The following MIDEAS variants were observed in gnomAD, a reference collection of about 807,000 sequenced individuals.
MIDEAS encodes mitotic deacetylase-associated SANT domain protein.
Under a neutral mutation model 102.7 loss-of-function variants are expected in MIDEAS, and 26 were observed. The observed-to-expected ratio is 0.25, with a 90% CI of 0.19 to 0.35. The LOEUF is 0.35. Ranked by LOEUF, MIDEAS falls within the 10% of genes least tolerant of loss-of-function variation. The pLI is 1.00. For missense variants in MIDEAS, 1,231 were observed against 1,435.6 expected (o/e 0.86, Z 2.30); for synonymous variants, 585 against 591.0 (o/e 0.99, Z 0.15).
In MIDEAS at chr14:73,759,184, C is replaced by T. The variant is rs2140154896; in HGVS notation, c.-248+579G>A. On this transcript the variant is annotated intron_variant, in intron 1 of 12. Coordinates refer to ENST00000423556, the MANE Select transcript of MIDEAS (RefSeq NM_001367710.1). This position sits in a 1 kb window ranked among gnomAD's most constrained non-coding sequence, Gnocchi z 6.7. ...GCCCCAGTTCCCCAACGCCCCTGCA[C>T]CTCTGTCCCCCAAACTCCTGGCGTG... 6.6e-6 allele frequency among the ~76,000 whole-genome samples: 1 copy of T among 152,308 alleles called. No individual in the cohort carries two copies. The highest frequency in any genetic ancestry group is 2.4e-5 in the African/African-American group (1 of 41,578).
chr14:73,769,465 A>C (rs1053897269), intron 1 of MIDEAS, among the ~76,000 whole-genome samples: 1 of 152,230 alleles, frequency 6.6e-6, no homozygotes, highest in African/African-American at 2.4e-5. Flanking sequence ...CCCCAACATG[A>C]AAATAAGTAA....
At position 73,759,301 on chromosome 14, in the gene MIDEAS, C is replaced by A. The variant is rs2053527086; in HGVS notation, c.-248+462G>T. Among the ~76,000 whole-genome samples the A allele has an allele frequency of 1.3e-5, 2 of 152,126 alleles. No homozygotes were observed. The highest frequency in any genetic ancestry group is 3.2e-3 in the Middle Eastern group (1 of 314). On this transcript the variant is annotated intron_variant, in intron 1 of 12. Coordinates refer to ENST00000423556, the MANE Select transcript of MIDEAS (RefSeq NM_001367710.1). The surrounding 1 kb of genome is among the most constrained non-coding windows in gnomAD (Gnocchi z 6.7). ...CTCAGCTGGCTAGCCCCTCGCCGCG[C>A]CTTCCGGGCCTGGGCTCCGTCACGT...
intron 1 of MIDEAS, among the ~76,000 whole-genome samples, chr14:73,779,351 C>T (rs1407854739): frequency 1.4e-5 from 2 of 145,564 alleles, no homozygotes; most frequent in Non-Finnish European, 3.0e-5. Flanking sequence ...GCCTAGATTG[C>T]ACCACTGCAC....
In MIDEAS at chr14:73,719,773, TTGGTCTCTGGGTTAA is replaced by T. The variant is rs531416528; in HGVS notation, c.2938-287_2938-273del. 1.7e-3 allele frequency among the ~76,000 whole-genome samples: 223 copies of T among 132,966 alleles called. 2 individuals are homozygous for T. Among genetic ancestry groups the T allele is most frequent in the African/African-American group, 5.6e-3 (209 of 37,426 alleles). 87.2% of individuals were successfully genotyped at this position (132,966 alleles called of 152,430 possible). ...GCCTTGATGCGCCTGACAGGGGATCTTGGTCTCTGGGTTAATGAAGCACCTACCTGTTGATGTTTT... is the reference window on the plus strand; with the variant it reads ...GCCTTGATGCGCCTGACAGGGGATCTTGAAGCACCTACCTGTTGATGTTTT... On this transcript the variant is annotated intron_variant, in intron 11 of 12. Transcript: ENST00000423556.
Position 73,721,419 on chromosome 14 carries a change from T to C in MIDEAS, c.2815A>G (p.Arg939Gly). The C allele has an allele frequency of 6.2e-7, 1 of 1,614,152 alleles. No individual in the cohort carries two copies. Among genetic ancestry groups the C allele is most frequent in the Non-Finnish European group, 8.5e-7 (1 of 1,180,016 alleles). The change falls in exon 11 of 13, where the codon AGG (arginine) becomes GGG (glycine). Residue 939 changes from arginine (R) to glycine (G), a missense_variant. Arg to Gly is a moderately radical substitution (Grantham distance 125, BLOSUM62 -2). This residue lies in a region of MIDEAS where 391 missense variants were observed against 483.0 expected (regional missense o/e 0.81). Coordinates refer to ENST00000423556, the MANE Select transcript of MIDEAS (RefSeq NM_001367710.1). ...GGCACCTCCTCCTCCCCCTCCTTCC[T>C]GGGCTCCTTCACCTCCCTCTTGGGC... ...LEPKREVKEPRKEGEEEVPEI... is the reference protein window; with the variant it reads ...LEPKREVKEPGKEGEEEVPEI...
chr14:73,724,991 TCCTG>T (rs2053041547), intron 9 of MIDEAS: 2 of 316,542 alleles, frequency 6.3e-6, no homozygotes, highest in South Asian at 3.0e-5. Context: ...CGCATCTTCC[TCCTG>T]CCTATTTTAA....
intron 1 of MIDEAS, among the ~76,000 whole-genome samples, chr14:73,771,642 C>T (rs1038071905): frequency 6.6e-6 from 1 of 152,250 alleles, no homozygotes; most frequent in African/African-American, 2.4e-5. Context: ...AGAAGACAGT[C>T]AGCTGCTCAG....
At chr14:73,755,131 G>C (rs1422077635) in intron 1 of MIDEAS, 1 of 152,306 alleles carries the variant, frequency 6.6e-6, no homozygotes, top group Non-Finnish European at 1.5e-5. Context: ...CCTGCGGCTG[G>C]GAGAAAGGCA....
rs2053052391 is a variant in MIDEAS at position 73,725,771 on chromosome 14, G to A, written c.2485+262C>T. On this transcript the variant is annotated intron_variant, in intron 8 of 12. Transcript: ENST00000423556. This position sits in a 1 kb window ranked among gnomAD's most constrained non-coding sequence, Gnocchi z 4.1. ...ATGCCAATCTGGATGGCTCTCCATG[G>A]GTTCCTGTCCTTGTGGCCTGGGCTT... Among the ~76,000 whole-genome samples, 2 of 152,280 alleles carry A rather than the reference G, an allele frequency of 1.3e-5. No individual in the cohort carries two copies. Among genetic ancestry groups the A allele is most frequent in the East Asian group, 1.9e-4 (1 of 5,178 alleles).
At chr14:73,720,670 T>C in intron 11 of MIDEAS, among the ~76,000 whole-genome samples, 1 of 152,218 alleles carries the variant, frequency 6.6e-6, no homozygotes, top group Non-Finnish European at 1.5e-5. Context: ...GCCAGTAGTC[T>C]TGTTTCTTGG....
intron 1 of MIDEAS, among the ~76,000 whole-genome samples, chr14:73,754,652 C>A (rs1387190178): frequency 6.6e-6 from 1 of 152,156 alleles, no homozygotes; most frequent in Non-Finnish European, 1.5e-5. Flanking sequence ...GGTTTCCCAG[C>A]TCTGGAATTA....
chr14:73,730,723 T>C (rs59567355), intron 3 of MIDEAS, among the ~76,000 whole-genome samples: 4 of 148,946 alleles, frequency 2.7e-5, no homozygotes, highest in African/African-American at 1.0e-4. Context: ...GAGGTCGAGG[T>C]GGGGGGGAGG....
intron 3 of MIDEAS, among the ~76,000 whole-genome samples, chr14:73,731,840 T>C (rs953783765): frequency 3.9e-5 from 6 of 152,256 alleles, no homozygotes; most frequent in Non-Finnish European, 8.8e-5. Flanking sequence ...CTGGCATTCA[T>C]TATACTCCTC....
chr14:73,750,804 A>G (rs1295017392), intron 1 of MIDEAS, among the ~76,000 whole-genome samples: 2 of 152,250 alleles, frequency 1.3e-5, no homozygotes, highest in Admixed American at 1.3e-4. Flanking sequence ...AAGGACTCCA[A>G]TAACAATGCT....
intron 3 of MIDEAS, among the ~76,000 whole-genome samples, chr14:73,736,481 A>T (rs571408386): frequency 6.6e-6 from 1 of 152,054 alleles, no homozygotes; most frequent in African/African-American, 2.4e-5. Flanking sequence ...AATACAAAAA[A>T]TTAGCTGGGC....
intron 1 of MIDEAS, among the ~76,000 whole-genome samples, chr14:73,752,838 G>C (rs1026445818): frequency 1.1e-4 from 16 of 152,166 alleles, no homozygotes; most frequent in Admixed American, 5.9e-4. Context: ...AATACACCCA[G>C]AGGCCTTTGG....
rs2053016845 is a variant in MIDEAS at position 73,723,040 on chromosome 14, G to A, written c.2575-193C>T. 5.5e-6 allele frequency: 3 copies of A among 543,352 alleles called. No homozygotes were observed. The South Asian group carries it at 7.3e-5, about 13-fold the overall frequency. 33.7% of individuals were successfully genotyped at this position (543,352 alleles called of 1,614,324 possible). A position where few individuals can be genotyped will look rare whatever the true frequency, so the allele number is the denominator to read the frequency against. On this transcript the variant is annotated intron_variant, in intron 9 of 12. Transcript: ENST00000423556. ...CACTGATCAATTAATCAATGCTTCA[G>A]CACTATTTAAAATAAGTAAATAAAT...
upstream of MIDEAS, among the ~76,000 whole-genome samples, chr14:73,763,132 T>C (rs533827481): frequency 7.5e-4 from 114 of 152,162 alleles, no homozygotes; most frequent in African/African-American, 2.6e-3. Flanking sequence ...GCGCAGGAGT[T>C]TAGAGACCAG....
At position 73,722,724 on chromosome 14, in the gene MIDEAS, G is replaced by A. The variant is rs1269402927; in HGVS notation, c.2698C>T (p.Gln900Ter). 1 of 1,613,988 alleles carries A rather than the reference G, an allele frequency of 6.2e-7. No homozygotes were observed. The highest frequency in any genetic ancestry group is 1.3e-5 in the African/African-American group (1 of 74,912). The part of the protein sequence containing the change: ...DVDTSDEKSA[Q>*]EEVEVDIKTS... ...TTAATATCCACTTCAACCTCTTCCT[G>A]GGCCGACTTCTCATCGCTCGTATCC... The change falls in exon 10 of 13, where the codon CAG becomes TAG. Residue 900 changes from glutamine to a stop codon, truncating the protein, a stop_gained. Coordinates refer to ENST00000423556, the MANE Select transcript of MIDEAS (RefSeq NM_001367710.1). LOFTEE classifies it high-confidence loss of function.
Sources: allele counts gnomAD v4.1 joint callset (sites outside exome capture counted in the v4.1 genomes callset), GRCh38; gene constraint gnomAD v4.1.1; regional missense constraint gnomAD v4.1.1; non-coding constraint Gnocchi (gnomAD v3.1); transcripts MANE v1.5; gene names NCBI Gene and HGNC (gene_info 2026-07-23, HGNC 2026-07-21).